Variants in DCC observed in about 807,000 individuals in gnomAD.
The protein encoded by DCC is DCC netrin 1 receptor, also known as netrin receptor DCC.
DCC carries 58 observed loss-of-function variants against 172.5 expected under a neutral mutation model. That is an observed-to-expected ratio of 0.34 (90% confidence interval 0.27 to 0.42). The LOEUF (loss-of-function observed/expected upper bound fraction) is 0.42. Among genes scored for constraint, DCC ranks in the 10% least tolerant of loss-of-function variants. DCC has a pLI of 1.00. For synonymous variants in DCC, 709 were observed against 644.5 expected, an observed-to-expected ratio of 1.10 and a Z score of -1.52; for missense variants, 1,740 against 1,791.0, an observed-to-expected ratio of 0.97 and a Z score of 0.51.
intron 1 of DCC, among the ~76,000 whole-genome samples, chr18:52,634,941 T>G (rs2034744878): frequency 6.6e-6 from 1 of 152,198 alleles, no homozygotes; most frequent in South Asian, 2.1e-4. Context: ...TCCACTGAAG[T>G]GTAAGATTTA....
intron 15 of DCC, among the ~76,000 whole-genome samples, chr18:53,353,376 C>G (rs1488034058): frequency 1.3e-5 from 2 of 151,094 alleles, no homozygotes; most frequent in East Asian, 3.9e-4. Flanking sequence ...CAAGAAAATG[C>G]TAAAGCTATT....
chr18:52,906,538 T>G (rs1350221390), intron 3 of DCC, among the ~76,000 whole-genome samples: 1 of 151,794 alleles, frequency 6.6e-6, no homozygotes, highest in East Asian at 1.9e-4. Context: ...TGTTGAAGTT[T>G]CTGGAAAAAC....
chr18:52,952,078 A>G (rs533911110), intron 5 of DCC, among the ~76,000 whole-genome samples: 5 of 152,314 alleles, frequency 3.3e-5, no homozygotes, highest in South Asian at 2.1e-4. Context: ...AGATCAATCT[A>G]TATATTATGA....
chr18:53,051,942 C>A (rs759222290), intron 5 of DCC, among the ~76,000 whole-genome samples: 8 of 152,026 alleles, frequency 5.3e-5, no homozygotes, highest in Non-Finnish European at 1.0e-4. Context: ...CATTTGTGGG[C>A]TTATGGCATC....
At chr18:52,403,442 C>T (rs374294578) in intron 1 of DCC, among the ~76,000 whole-genome samples, 9 of 152,144 alleles carry the variant, frequency 5.9e-5, no homozygotes, top group East Asian at 5.8e-4. Context: ...CAGACTCATA[C>T]TTAACACCCT....
In DCC at chr18:52,451,204, G is replaced by C. The variant is rs540000893; in HGVS notation, c.91+110326G>C. On this transcript the variant is annotated intron_variant, in intron 1 of 28. Transcript: ENST00000442544. Reference sequence around the variant, plus strand: ...AGTTGTCAGGATGTTACAGTATATAGATATTATATTTTGAAGAGGTGACCT... The same window carrying C: ...AGTTGTCAGGATGTTACAGTATATACATATTATATTTTGAAGAGGTGACCT... Among the ~76,000 whole-genome samples the C allele has an allele frequency of 2.6e-5, 4 of 152,174 alleles. No homozygotes were observed. In the South Asian group the frequency reaches 6.2e-4, roughly 24 times the overall value.
intron 23 of DCC, among the ~76,000 whole-genome samples, chr18:53,455,442 A>T (rs1291531757): frequency 6.6e-6 from 1 of 152,200 alleles, no homozygotes. Flanking sequence ...CATCCCCAGC[A>T]TACTAATTAA....
intron 2 of DCC, among the ~76,000 whole-genome samples, chr18:52,798,013 G>A (rs762420741): frequency 1.8e-4 from 25 of 140,530 alleles, no homozygotes; most frequent in Non-Finnish European, 3.3e-4. Flanking sequence ...TGGAGGGCAG[G>A]GAAGATTAAT....
intron 24 of DCC, among the ~76,000 whole-genome samples, chr18:53,466,745 CG>C (rs1225496989): frequency 6.6e-6 from 1 of 152,088 alleles, no homozygotes; most frequent in Non-Finnish European, 1.5e-5. Flanking sequence ...AGGCTGGTCT[CG>C]AACTCCTGAC....
At chr18:52,569,245 C>G (rs900664019) in intron 1 of DCC, among the ~76,000 whole-genome samples, 1 of 152,132 alleles carries the variant, frequency 6.6e-6, no homozygotes, top group Admixed American at 6.6e-5. Flanking sequence ...GTAAGACACA[C>G]CTGGGTCTAT....
rs138317226 is a variant in DCC, at chr18:53,141,731, T to A, written c.1262-15625T>A. Among the ~76,000 whole-genome samples the A allele has an allele frequency of 3.7e-3, 562 of 152,326 alleles. 2 individuals are homozygous for A. Among genetic ancestry groups the A allele is most frequent in the African/African-American group, 0.013 (543 of 41,570 alleles). ...TGTTTTGTAGCTTTCTTGTGGTACA[T>A]TGTTCTACTGCTCACTTCTTGCCTC... On this transcript the variant is annotated intron_variant, in intron 7 of 28. Transcript: ENST00000442544.
At chr18:53,184,338 A>G (rs555098270) in intron 9 of DCC, among the ~76,000 whole-genome samples, 28 of 152,112 alleles carry the variant, frequency 1.8e-4, no homozygotes, top group Non-Finnish European at 2.8e-4. Flanking sequence ...AAATAAAGCC[A>G]TGTGTCACTT....
At chr18:52,946,183 C>A (rs183317403) in intron 5 of DCC, among the ~76,000 whole-genome samples, 2 of 152,274 alleles carry the variant, frequency 1.3e-5, no homozygotes, top group East Asian at 3.9e-4. Context: ...TACATAGCAG[C>A]ATCTGTAACA....
chr18:52,379,011 G>A (rs1296923896), intron 1 of DCC, among the ~76,000 whole-genome samples: 1 of 152,180 alleles, frequency 6.6e-6, no homozygotes, highest in East Asian at 1.9e-4. Context: ...GTACAAACCA[G>A]TTTATTTGGG....
At chr18:52,983,004 GGTTTACATCT>G (rs906880321) in intron 5 of DCC, among the ~76,000 whole-genome samples, 1 of 152,020 alleles carries the variant, frequency 6.6e-6, no homozygotes, top group African/African-American at 2.4e-5. Flanking sequence ...GGAGAGTGCT[GGTTTACATCT>G]GTTTTCCCCA....
At chr18:52,513,778 T>C (rs2031529431) in intron 1 of DCC, among the ~76,000 whole-genome samples, 2 of 152,294 alleles carry the variant, frequency 1.3e-5, no homozygotes, top group South Asian at 2.1e-4. Context: ...CACTCCTCAG[T>C]CTGCTATTAA....
chr18:52,723,966 G>A lies in DCC; in HGVS notation c.92-28088G>A, dbSNP rs556121770. Among the ~76,000 whole-genome samples, 7 of 152,220 alleles carry A rather than the reference G, an allele frequency of 4.6e-5. No homozygotes were observed. In the South Asian group the frequency reaches 1.5e-3, roughly 32 times the overall value. ...AGTCTGTCAACACTGTCTCAGAAGTGGGAAGAGTTGATTCTGCAAGCTGAA... is the reference window on the plus strand; with the variant it reads ...AGTCTGTCAACACTGTCTCAGAAGTAGGAAGAGTTGATTCTGCAAGCTGAA... On this transcript the variant is annotated intron_variant, in intron 1 of 28. Coordinates refer to ENST00000442544, the MANE Select transcript of DCC (RefSeq NM_005215.4).
chr18:52,342,093 G>A (rs1211760115), intron 1 of DCC, among the ~76,000 whole-genome samples: 4 of 152,150 alleles, frequency 2.6e-5, no homozygotes, highest in Non-Finnish European at 5.9e-5. Context: ...GGTTGCGAAC[G>A]CGAGCAGAAA....
chr18:52,535,813 G>A (rs958265026), intron 1 of DCC, among the ~76,000 whole-genome samples: 2 of 152,106 alleles, frequency 1.3e-5, no homozygotes, highest in Non-Finnish European at 2.9e-5. Context: ...ATTAAGCAGT[G>A]GGAAAACATA....
Sources: gnomAD v4.1 joint callset for allele counts (sites outside exome capture counted in the v4.1 genomes callset) on GRCh38, gnomAD v4.1.1 for gene constraint, MANE v1.5 for transcripts, NCBI Gene and HGNC (gene_info 2026-07-23, HGNC 2026-07-21) for gene names.